The following LYRM4 variants were observed in gnomAD, a reference collection of about 807,000 sequenced individuals.
LYRM4 encodes LYR motif-containing protein 4.
LYRM4 carries 9 observed loss-of-function variants against 11.7 expected under a neutral mutation model. That is an observed-to-expected ratio of 0.77 (90% CI 0.46 to 1.34). The LOEUF is 1.34. LYRM4 is among the 40% of genes most tolerant of loss of function. LYRM4 has a pLI of 0.00. For missense variants in LYRM4, 133 were observed against 112.5 expected, an observed-to-expected ratio of 1.18 and a Z score of -0.82; for synonymous variants, 42 against 40.4, an observed-to-expected ratio of 1.04 and a Z score of -0.15.
At chr6:5,148,661 ACCTC>A (rs939304559) in intron 2 of LYRM4, among the ~76,000 whole-genome samples, 1 of 59,502 alleles carries the variant, frequency 1.7e-5, no homozygotes, top group Admixed American at 1.6e-4. Flanking sequence ...ACACACACAC[ACCTC>A]TCTCTCTCTC....
intron 2 of LYRM4, among the ~76,000 whole-genome samples, chr6:5,123,811 A>T (rs1763576272): frequency 1.3e-5 from 2 of 152,206 alleles, no homozygotes; most frequent in Non-Finnish European, 2.9e-5. Flanking sequence ...CCTGAAAAGG[A>T]AGCCATGGTC....
At chr6:5,112,139 T>C (rs1762909619) in intron 2 of LYRM4, among the ~76,000 whole-genome samples, 1 of 152,204 alleles carries the variant, frequency 6.6e-6, no homozygotes, top group Non-Finnish European at 1.5e-5. Flanking sequence ...GTTCGCTGCC[T>C]GCAGCCTGGG....
chr6:5,058,005 G>A, the LYRM4 span, among the ~76,000 whole-genome samples: 12 of 152,044 alleles, frequency 7.9e-5, no homozygotes, highest in African/African-American at 2.9e-4. Context: ...TCCTGCCTCG[G>A]CCTCCCAAAG....
intron 1 of LYRM4, among the ~76,000 whole-genome samples, chr6:5,246,267 G>A (rs1764191849): frequency 6.6e-6 from 1 of 152,214 alleles, no homozygotes; most frequent in Non-Finnish European, 1.5e-5. Flanking sequence ...GACAGGAAGC[G>A]AGAGGCAAGA....
chr6:5,090,041 C>CACACACA, the LYRM4 span, among the ~76,000 whole-genome samples: 1 of 74,902 alleles, frequency 1.3e-5, no homozygotes, highest in African/African-American at 8.2e-5. The surrounding 1 kb of genome is among the most constrained non-coding windows in gnomAD (Gnocchi z 4.8). Context: ...CACACACACA[C>CACACACA]CACACACACA....
intron 2 of LYRM4, among the ~76,000 whole-genome samples, chr6:5,184,163 T>C (rs763161630): frequency 7.2e-5 from 11 of 152,218 alleles, no homozygotes; most frequent in South Asian, 2.1e-4. Flanking sequence ...CTTGCCTGCA[T>C]TGAAGACAAA....
chr6:5,197,978 C>T (rs953122513), intron 2 of LYRM4, among the ~76,000 whole-genome samples: 3 of 152,148 alleles, frequency 2.0e-5, no homozygotes, highest in Admixed American at 6.6e-5. Flanking sequence ...CAAGACCAGC[C>T]TGACCAACAT....
chr6:5,129,603 C>T (rs1344405897), intron 2 of LYRM4, among the ~76,000 whole-genome samples: 1 of 152,130 alleles, frequency 6.6e-6, no homozygotes, highest in East Asian at 1.9e-4. Flanking sequence ...ATAACCAAGG[C>T]TGATCTCCAT....
chr6:5,112,166 C>A (rs1762911877), intron 2 of LYRM4, among the ~76,000 whole-genome samples: 1 of 152,196 alleles, frequency 6.6e-6, no homozygotes, highest in South Asian at 2.1e-4. Context: ...GCTCGCGAAG[C>A]CCGTGCTCCT....
chr6:5,136,830 A>C, intron 2 of LYRM4: 1 of 985,268 alleles, frequency 1.0e-6, no homozygotes, highest in Non-Finnish European at 1.2e-6. Flanking sequence ...ATGTCTCTTA[A>C]CAGCTTTATG....
At chr6:5,191,975 G>T (rs574820912) in intron 2 of LYRM4, among the ~76,000 whole-genome samples, 9 of 152,172 alleles carry the variant, frequency 5.9e-5, no homozygotes, top group African/African-American at 2.2e-4. Context: ...AGAACATTCT[G>T]GACTCAATAC....
the LYRM4 span, among the ~76,000 whole-genome samples, chr6:5,044,191 C>T: frequency 3.3e-5 from 5 of 151,908 alleles, no homozygotes; most frequent in Non-Finnish European, 7.4e-5. Context: ...TGCAGTGGTA[C>T]GATCTTGGCT....
At chr6:5,218,327 TG>T in intron 1 of LYRM4, 1 of 984,930 alleles carries the variant, frequency 1.0e-6, no homozygotes, top group Non-Finnish European at 1.2e-6. Context: ...GGCAAAGAAA[TG>T]AGAGGAGGGG....
At chr6:5,053,782 G>C in the LYRM4 span, among the ~76,000 whole-genome samples, 1 of 152,232 alleles carries the variant, frequency 6.6e-6, no homozygotes, top group African/African-American at 2.4e-5. Context: ...ATCTCAGCCA[G>C]TTTCAAAGAC....
At chr6:5,084,642 C>T in the LYRM4 span, 11 of 152,374 alleles carry the variant, frequency 7.2e-5, 1 homozygote, top group South Asian at 1.7e-3. Context: ...CACACGGTCC[C>T]CGCCCCAGTC....
At chr6:5,177,106 A>T (rs544943373) in intron 2 of LYRM4, among the ~76,000 whole-genome samples, 1 of 152,360 alleles carries the variant, frequency 6.6e-6, no homozygotes, top group South Asian at 2.1e-4. Context: ...GTGCGAATAC[A>T]GTTGCACCAT....
chr6:5,091,238 G>C, the LYRM4 span, among the ~76,000 whole-genome samples: 10 of 152,210 alleles, frequency 6.6e-5, no homozygotes, highest in African/African-American at 2.2e-4. Context: ...GACAATCCGG[G>C]CTCATTGCAG....
At chr6:5,140,656 C>G (rs747671254) in intron 2 of LYRM4, among the ~76,000 whole-genome samples, 6 of 152,196 alleles carry the variant, frequency 3.9e-5, no homozygotes, top group South Asian at 2.1e-4. Flanking sequence ...TCAACTTGAT[C>G]TGCACTTGGG....
intron 2 of LYRM4, among the ~76,000 whole-genome samples, chr6:5,154,006 T>C (rs146059274): frequency 3.2e-3 from 481 of 152,244 alleles, no homozygotes; most frequent in Non-Finnish European, 4.2e-3. Context: ...GTAAAGAAAA[T>C]TACCTGCTAA....
Sources: allele counts gnomAD v4.1 joint callset (sites outside exome capture counted in the v4.1 genomes callset), GRCh38; gene constraint gnomAD v4.1.1; non-coding constraint Gnocchi (gnomAD v3.1); transcripts MANE v1.5; gene names NCBI Gene and HGNC (gene_info 2026-07-23, HGNC 2026-07-21).